FCHSD2: variants seen among roughly 807,000 people sequenced by gnomAD.
FCHSD2 encodes the protein FCH and double SH3 domains 2.
Under a neutral mutation model 108.1 loss-of-function variants are expected in FCHSD2, and 38 were observed. The ratio of observed to expected loss-of-function variants is 0.35; its 90% CI spans 0.27 to 0.46. FCHSD2 has a LOEUF of 0.46. Among genes scored for constraint, FCHSD2 ranks in the 20% least tolerant of loss-of-function variants. The pLI, the probability that FCHSD2 is intolerant of heterozygous loss-of-function variation, is 1.00. For synonymous variants in FCHSD2, 279 were observed against 314.7 expected, an observed-to-expected ratio of 0.89 and a Z score of 1.20; for missense variants, 751 against 897.8, an observed-to-expected ratio of 0.84 and a Z score of 2.09.
At chr11:73,092,693 C>A (rs1198983911) in intron 2 of FCHSD2, among the ~76,000 whole-genome samples, 2 of 152,188 alleles carry the variant, frequency 1.3e-5, no homozygotes, top group Admixed American at 6.5e-5. Flanking sequence ...CTGAGACACA[C>A]AGAACCAAGA....
chr11:73,024,759 T>G (rs1253378684), intron 3 of FCHSD2, among the ~76,000 whole-genome samples: 1 of 151,650 alleles, frequency 6.6e-6, no homozygotes, highest in Non-Finnish European at 1.5e-5. Flanking sequence ...AGGTCTAATA[T>G]CCAGCATCTA....
chr11:73,130,303 G>A (rs1411702828), intron 2 of FCHSD2, among the ~76,000 whole-genome samples: 2 of 152,154 alleles, frequency 1.3e-5, no homozygotes, highest in African/African-American at 4.8e-5. Context: ...CTGGAGTGTA[G>A]TGGCTACTCA....
intron 13 of FCHSD2, among the ~76,000 whole-genome samples, chr11:72,861,372 G>A (rs1174999590): frequency 7.2e-6 from 1 of 139,114 alleles, no homozygotes; most frequent in African/African-American, 2.7e-5. Context: ...CTAAAGAAAT[G>A]GAGTCTATTA....
At chr11:72,958,993 A>ATGTGTGTGTGTGTGTGTGTGTG (rs59339008) in intron 8 of FCHSD2, among the ~76,000 whole-genome samples, 2 of 114,782 alleles carry the variant, frequency 1.7e-5, no homozygotes, top group Non-Finnish European at 3.7e-5. Flanking sequence ...TCAGTAAGAT[A>ATGTGTGTGTGTGTGTGTGTGTG]TGTGTGTGTG....
intron 2 of FCHSD2, among the ~76,000 whole-genome samples, chr11:73,090,113 A>T: frequency 6.6e-6 from 1 of 152,048 alleles, no homozygotes; most frequent in Non-Finnish European, 1.5e-5. Flanking sequence ...GGATAACTTG[A>T]TAGGAAGATC....
intron 8 of FCHSD2, chr11:72,940,968 G>A: frequency 2.6e-6 from 2 of 756,802 alleles, no homozygotes; most frequent in Non-Finnish European, 4.8e-6. Flanking sequence ...CAGTCTATAA[G>A]CACAGGGAGA....
chr11:73,055,381 A>G (rs1182440019), intron 3 of FCHSD2, among the ~76,000 whole-genome samples: 1 of 152,166 alleles, frequency 6.6e-6, no homozygotes, highest in African/African-American at 2.4e-5. Context: ...ACACTGAAGT[A>G]AATACTAATA....
intron 3 of FCHSD2, among the ~76,000 whole-genome samples, chr11:73,033,153 T>A (rs897814806): frequency 2.0e-5 from 3 of 151,866 alleles, no homozygotes; most frequent in Non-Finnish European, 4.4e-5. Flanking sequence ...CTGGGCATGG[T>A]GGCGGGCACC....
In FCHSD2 at chr11:73,139,891, T is replaced by G. The variant is rs983739162; in HGVS notation, c.119+140A>C. On this transcript the variant is annotated intron_variant, in intron 2 of 19. Transcript: ENST00000409418. ...TATTGTGTTAGTTCCAGTTCTAATT[T>G]CCAGCTGAGTCAAAGTTCTAACAGC... 5.8e-6 allele frequency: 3 copies of G among 521,380 alleles called. No individual in the cohort carries two copies. The African/African-American group carries it at 5.8e-5, about 10-fold the overall frequency. The allele number at this position is 521,380 out of a possible 1,614,324, so 32.3% of individuals were successfully genotyped here.
chr11:73,084,943 A>G (rs1189009544), intron 2 of FCHSD2, among the ~76,000 whole-genome samples: 5 of 151,746 alleles, frequency 3.3e-5, no homozygotes, highest in African/African-American at 9.7e-5. Context: ...GACCAAAGAC[A>G]TAAGAGTAAG....
intron 2 of FCHSD2, among the ~76,000 whole-genome samples, chr11:73,111,870 A>C (rs924339074): frequency 3.9e-5 from 6 of 152,206 alleles, no homozygotes; most frequent in Non-Finnish European, 8.8e-5. Context: ...CAAAAAGAAA[A>C]CTAATAAAAA....
intron 3 of FCHSD2, among the ~76,000 whole-genome samples, chr11:73,080,106 C>T (rs1321113386): frequency 6.6e-6 from 1 of 151,710 alleles, no homozygotes; most frequent in African/African-American, 2.4e-5. Flanking sequence ...CGAGACCAGC[C>T]TGGGCAACAT....
chr11:72,974,389 C>T (rs1857067469), intron 8 of FCHSD2, among the ~76,000 whole-genome samples: 1 of 152,242 alleles, frequency 6.6e-6, no homozygotes, highest in African/African-American at 2.4e-5. Flanking sequence ...GCTCTGCCCT[C>T]ATGACCTAAT....
intron 2 of FCHSD2, among the ~76,000 whole-genome samples, chr11:73,119,393 T>C (rs1249045951): frequency 6.6e-6 from 1 of 152,182 alleles, no homozygotes; most frequent in African/African-American, 2.4e-5. Flanking sequence ...TTCAAATCTA[T>C]ATACTTTAAA....
At chr11:73,074,636 T>C (rs1023009600) in intron 3 of FCHSD2, among the ~76,000 whole-genome samples, 4 of 152,250 alleles carry the variant, frequency 2.6e-5, no homozygotes, top group African/African-American at 9.6e-5. Flanking sequence ...CTTGTTTTCA[T>C]CAAAAGAAAC....
intron 2 of FCHSD2, among the ~76,000 whole-genome samples, chr11:73,119,841 T>C (rs1268942491): frequency 6.6e-6 from 1 of 152,176 alleles, no homozygotes; most frequent in Non-Finnish European, 1.5e-5. Context: ...ACCATAAATA[T>C]ACAAGGATGT....
intron 3 of FCHSD2, among the ~76,000 whole-genome samples, chr11:73,036,474 T>C (rs907373208): frequency 2.6e-5 from 4 of 152,188 alleles, no homozygotes; most frequent in African/African-American, 4.8e-5. Context: ...ATTAGTCACT[T>C]TGAGCTTTAG....
intron 2 of FCHSD2, among the ~76,000 whole-genome samples, chr11:73,126,767 G>A (rs1433913442): frequency 6.6e-6 from 1 of 152,204 alleles, no homozygotes; most frequent in East Asian, 1.9e-4. Flanking sequence ...ACTGGGTGCA[G>A]TGGCTCACGT....
intron 13 of FCHSD2, among the ~76,000 whole-genome samples, chr11:72,866,885 G>A (rs868541106): frequency 6.6e-6 from 1 of 152,186 alleles, no homozygotes; most frequent in South Asian, 2.1e-4. Flanking sequence ...GCACTATGAA[G>A]ACAGTGGGAA....
Sources: allele counts gnomAD v4.1 joint callset (sites outside exome capture counted in the v4.1 genomes callset), GRCh38; gene constraint gnomAD v4.1.1; transcripts MANE v1.5; gene names NCBI Gene and HGNC (gene_info 2026-07-23, HGNC 2026-07-21).